The following PLEKHB1 variants were observed in gnomAD, a reference collection of about 807,000 sequenced individuals.
PLEKHB1 encodes the protein pleckstrin homology domain containing B1, also known as pleckstrin homology domain-containing family B member 1.
PLEKHB1 carries 29 observed loss-of-function variants against 36.2 expected under a neutral mutation model. The ratio of observed to expected loss-of-function variants is 0.80; its 90% confidence interval spans 0.60 to 1.09. The LOEUF (loss-of-function observed/expected upper bound fraction) is 1.09, where lower values mean the gene tolerates loss of function less well. Ranked by LOEUF, PLEKHB1 falls within the 50% of genes least tolerant of loss-of-function variation. The pLI is 0.00. For synonymous variants in PLEKHB1, 138 were observed against 140.0 expected (o/e 0.99, Z 0.10); for missense variants, 330 against 348.2 (o/e 0.95, Z 0.42).
intron 4 of PLEKHB1, chr11:73,652,683 G>A (rs904355112): frequency 5.8e-6 from 2 of 345,120 alleles, no homozygotes; most frequent in African/African-American, 4.2e-5. Flanking sequence ...AAGAGTGTCA[G>A]AATCTGACAT....
Position 73,649,052 on chromosome 11 carries a change from T to C in PLEKHB1, c.59T>C (p.Met20Thr). ...GCTCTGGAAAGTCCTTTTGAAGAAA[T>C]GGCCCTGGTGAGGGGCGGCTGGCTG... ...DSALESPFEEMALVRGGWLWR... is the reference protein window; with the variant it reads ...DSALESPFEETALVRGGWLWR... Residue 20 changes from methionine (M) to threonine (T), a missense_variant, in exon 2 of 8, where the codon ATG becomes ACG. By Grantham distance (81) the Met-to-Thr change is moderately conservative (BLOSUM62 -1). Transcript: ENST00000354190. 1 of 1,602,060 alleles carries C rather than the reference T, an allele frequency of 6.2e-7. No individual in the cohort carries two copies.
chr11:73,653,478 T>A (rs1267902071), intron 5 of PLEKHB1: 1 of 461,426 alleles, frequency 2.2e-6, no homozygotes, highest in Non-Finnish European at 4.3e-6. Context: ...CAAGGAGATA[T>A]GGGCTCTGCC....
Position 73,662,335 on chromosome 11 carries a change from C to T in PLEKHB1, c.*733C>T, listed in dbSNP as rs4944853. On this transcript the variant is annotated 3_prime_UTR_variant, in exon 8 of 8. Coordinates refer to ENST00000354190, the MANE Select transcript of PLEKHB1 (RefSeq NM_021200.3). ...GTCCATACCTAAAACACTCCTGAGT[C>T]AAGTCCCATCCTTCCCACAAACAGC... The T allele has an allele frequency of 1, 151,604 of 152,334 alleles. 75,441 individuals carry two copies. The highest frequency in any genetic ancestry group is 1 in the Middle Eastern group (294 of 294). 9.4% of individuals were successfully genotyped at this position (152,334 alleles called of 1,614,324 possible). A position where few individuals can be genotyped will look rare whatever the true frequency, so the allele number is the denominator to read the frequency against.
At position 73,647,995 on chromosome 11, in the gene PLEKHB1, G is replaced by A. The variant is rs147031380; in HGVS notation, c.19-1017G>A. ...TGGATTCCAGTGCAAGCTACATCAT[G>A]TACATGGATGAGTCATTTGCTAACC... On this transcript the variant is annotated intron_variant, in intron 1 of 7. Transcript: ENST00000354190. 2.4e-4 allele frequency: 237 copies of A among 985,216 alleles called. 2 individuals carry two copies. The African/African-American group carries it at 3.9e-3, about 16-fold the overall frequency. 61.0% of individuals were successfully genotyped at this position (985,216 alleles called of 1,614,324 possible).
chr11:73,647,614 C>A (rs1436955111), intron 1 of PLEKHB1: 17 of 985,296 alleles, frequency 1.7e-5, no homozygotes, highest in Non-Finnish European at 1.8e-5. Flanking sequence ...CTCTCAGGCG[C>A]TGCGGGAGGA....
chr11:73,647,537 T>A (rs1346413136), intron 1 of PLEKHB1: 1 of 985,196 alleles, frequency 1.0e-6, no homozygotes, highest in Admixed American at 6.2e-5. Context: ...CGGGTCAGCA[T>A]CTCTTCACGT....
intron 2 of PLEKHB1, among the ~76,000 whole-genome samples, chr11:73,649,707 C>T (rs1944848576): frequency 6.6e-6 from 1 of 152,208 alleles, no homozygotes; most frequent in African/African-American, 2.4e-5. Context: ...TGACCAGAGT[C>T]ATGACCTGAG....
At chr11:73,646,745 TC>T in intron 1 of PLEKHB1, 119 bp downstream of exon 1, 1 of 1,101,890 alleles carries the variant, frequency 9.1e-7, no homozygotes, top group Non-Finnish European at 1.3e-6. Flanking sequence ...CTGAATGACA[TC>T]CTGTGGCTGC....
chr11:73,661,035 G>T lies in PLEKHB1; in HGVS notation c.595+183G>T, dbSNP rs1945102956. 2 of 650,016 alleles carry T rather than the reference G, an allele frequency of 3.1e-6. No individual in the cohort carries two copies. Among genetic ancestry groups the T allele is most frequent in the Non-Finnish European group, 5.3e-6 (2 of 374,752 alleles). The allele number at this position is 650,016 out of a possible 1,614,324, so 40.3% of individuals were successfully genotyped here. On this transcript the variant is annotated intron_variant, in intron 7 of 7. Coordinates refer to ENST00000354190, the MANE Select transcript of PLEKHB1 (RefSeq NM_021200.3). The surrounding 1 kb of genome is among the most constrained non-coding windows in gnomAD (Gnocchi z 4.6). The stretch of plus-strand genomic sequence containing the variant: ...TGGGAGAGCTCTGGAACCAGCGTTC[G>T]TCTCGAGCTGACCTCACCCTTCTGG...
intron 6 of PLEKHB1, among the ~76,000 whole-genome samples, chr11:73,659,426 C>T (rs3862797): frequency 1.3e-5 from 2 of 151,696 alleles, no homozygotes; most frequent in Non-Finnish European, 2.9e-5. Context: ...GGGATCCTGA[C>T]CCCTCTCCAG....
chr11:73,647,122 T>C (rs540408781), intron 1 of PLEKHB1, among the ~76,000 whole-genome samples: 23 of 152,236 alleles, frequency 1.5e-4, no homozygotes, highest in African/African-American at 4.6e-4. Flanking sequence ...ACAGTATTCA[T>C]AGGGGAAATT....
At chr11:73,654,607 T>C (rs1003974397) in intron 5 of PLEKHB1, among the ~76,000 whole-genome samples, 1 of 152,178 alleles carries the variant, frequency 6.6e-6, no homozygotes, top group Non-Finnish European at 1.5e-5. Context: ...AAGCCTACCA[T>C]GGAACCTAGG....
chr11:73,652,981 G>A lies in PLEKHB1; in HGVS notation c.357G>A (p.Trp119Ter), dbSNP rs1201938883. ...CAETKDDALA[W>*]KTALLEANST... The stretch of plus-strand genomic sequence containing the variant: ...GGTGGGATTTGCTTTGCAGAGCATG[G>A]AAGACAGCACTGCTGGAGGCAAACT... Residue 119 changes from tryptophan (W) to a stop codon, truncating the protein, a stop_gained, in exon 5 of 8, where the codon TGG becomes TGA. Coordinates refer to ENST00000354190, the MANE Select transcript of PLEKHB1 (RefSeq NM_021200.3). LOFTEE classifies it high-confidence loss of function. 6 of 1,610,064 alleles carry A rather than the reference G, an allele frequency of 3.7e-6. No individual in the cohort carries two copies. The highest frequency in any genetic ancestry group is 4.2e-6 in the Non-Finnish European group (5 of 1,177,284).
In PLEKHB1 at chr11:73,661,013, G is replaced by A; in HGVS notation, c.595+161G>A. ...AAGCCCCTCTCCATCCTGAGACTGG[G>A]AGAGCTCTGGAACCAGCGTTCGTCT... On this transcript the variant is annotated intron_variant, in intron 7 of 7. Coordinates refer to ENST00000354190, the MANE Select transcript of PLEKHB1 (RefSeq NM_021200.3). The surrounding 1 kb of genome is among the most constrained non-coding windows in gnomAD (Gnocchi z 4.6). 1 of 692,400 alleles carries A rather than the reference G, an allele frequency of 1.4e-6. No homozygotes were observed. The highest frequency in any genetic ancestry group is 2.4e-5 in the Admixed American group (1 of 41,360). The allele number at this position is 692,400 out of a possible 1,614,324, so 42.9% of individuals were successfully genotyped here. A position where few individuals can be genotyped will look rare whatever the true frequency, so the allele number is the denominator to read the frequency against.
At chr11:73,651,502 G>T in intron 3 of PLEKHB1, 1 of 607,036 alleles carries the variant, frequency 1.6e-6, no homozygotes, top group Non-Finnish European at 3.1e-6. Context: ...CCAGAGAAGC[G>T]AAGTGGCCCA....
intron 5 of PLEKHB1, 139 bp from the exon 6 acceptor site, chr11:73,655,664 G>A: frequency 1.5e-6 from 1 of 662,892 alleles, no homozygotes. Context: ...TGAGGAGAAA[G>A]AGGATGCTCC....
In PLEKHB1 at chr11:73,655,850, C is replaced by T; in HGVS notation, c.438C>T (p.Ser146=). The T allele has an allele frequency of 6.2e-7, 1 of 1,613,842 alleles. No homozygotes were observed. The highest frequency in any genetic ancestry group is 8.5e-7 in the Non-Finnish European group (1 of 1,179,872). The change falls in exon 6 of 8, where the codon TCC becomes TCT. Residue 146 remains serine (S), a synonymous_variant. Transcript: ENST00000354190. ...TVPPRSRRVC[S]KVRCVTRSWS... is the part of the protein sequence containing the mutation. Reference sequence around the variant, plus strand: ...CTCCCAGGAGCCGCCGGGTTTGCTCCAAGGTCAGGTGTGTGACCCGCTCGT... The same window carrying T: ...CTCCCAGGAGCCGCCGGGTTTGCTCTAAGGTCAGGTGTGTGACCCGCTCGT...
rs759879808 is a variant in PLEKHB1, at chr11:73,651,405, C to A, written c.248-383C>A. 10 of 481,438 alleles carry A rather than the reference C, an allele frequency of 2.1e-5. No individual in the cohort carries two copies. In the Middle Eastern group the frequency reaches 1.6e-3, roughly 75 times the overall value. The allele number at this position is 481,438 out of a possible 1,614,324, so 29.8% of individuals were successfully genotyped here. Reference sequence around the variant, plus strand: ...AAATCAGTCCTTTAGTGCCTTTCTCCTCTGTGCTGTCTCAGAGGTGAGCCA... The same window carrying A: ...AAATCAGTCCTTTAGTGCCTTTCTCATCTGTGCTGTCTCAGAGGTGAGCCA... On this transcript the variant is annotated intron_variant, in intron 3 of 7. Coordinates refer to ENST00000354190, the MANE Select transcript of PLEKHB1 (RefSeq NM_021200.3).
rs35147175 is a variant in PLEKHB1, at chr11:73,651,353, CAAAAAAA to C, written c.248-424_248-418del. 5.6e-5 allele frequency: 20 copies of C among 360,356 alleles called. 1 individual carries two copies. Among genetic ancestry groups the C allele is most frequent in the South Asian group, 2.2e-4 (12 of 54,528 alleles). The allele number at this position is 360,356 out of a possible 1,614,324, so 22.3% of individuals were successfully genotyped here. ...TGGGGGACAGAGCTAGACCCTGTCT[CAAAAAAA>C]AAAAAAAAAAGAAAAAGAAAAATCA... On this transcript the variant is annotated intron_variant, in intron 3 of 7. Coordinates refer to ENST00000354190, the MANE Select transcript of PLEKHB1 (RefSeq NM_021200.3).
Sources: allele counts gnomAD v4.1 joint callset (sites outside exome capture counted in the v4.1 genomes callset), GRCh38; gene constraint gnomAD v4.1.1; non-coding constraint Gnocchi (gnomAD v3.1); transcripts MANE v1.5; gene names NCBI Gene and HGNC (gene_info 2026-07-23, HGNC 2026-07-21).